Variants in SZT2 observed in about 807,000 individuals in gnomAD.
SZT2 encodes KICSTOR complex protein SZT2.
Under a neutral mutation model 404.2 loss-of-function variants are expected in SZT2, and 216 were observed. The ratio of observed to expected loss-of-function variants is 0.53; its 90% CI spans 0.48 to 0.60. SZT2 has a LOEUF of 0.60. Among genes scored for constraint, SZT2 ranks in the 20% least tolerant of loss-of-function variants. The probability of loss-of-function intolerance (pLI) is 0.00; values close to 1 mark genes in which losing one functional copy is unlikely to be tolerated. For synonymous variants in SZT2, 1,693 were observed against 1,749.9 expected, an observed-to-expected ratio of 0.97 and a Z score of 0.81; for missense variants, 3,857 against 4,459.2, an observed-to-expected ratio of 0.86 and a Z score of 3.85.
In SZT2 at chr1:43,433,112, T is replaced by C; in HGVS notation, c.5726T>C (p.Leu1909Pro). The change falls in exon 40 of 72, where the codon CTC (leucine) becomes CCC (proline). Residue 1909 changes from leucine (L) to proline (P), a missense_variant. Physicochemically the swap from Leu to Pro is moderately conservative, Grantham distance 98 (BLOSUM62 -3). This residue lies in a region of SZT2 where 1,725 missense variants were observed against 1,881.0 expected (regional missense o/e 0.92). Coordinates refer to ENST00000634258, the MANE Select transcript of SZT2 (RefSeq NM_001365999.1). Reference protein sequence around the residue: ...PAPPQPSLSGLPGPCLPDFWL... With the variant: ...PAPPQPSLSGPPGPCLPDFWL... ...CCTCCACAGCCTTCACTCTCAGGCC[T>C]CCCTGGGCCCTGCCTGCCTGACTTC... 1 of 1,614,104 alleles carries C rather than the reference T, an allele frequency of 6.2e-7. No homozygotes were observed. Among genetic ancestry groups the C allele is most frequent in the Non-Finnish European group, 8.5e-7 (1 of 1,180,036 alleles).
rs775594426 is a variant in SZT2, at chr1:43,404,527, A to G, written c.475A>G (p.Ile159Val). 3 of 1,613,552 alleles carry G rather than the reference A, an allele frequency of 1.9e-6. No homozygotes were observed. In the East Asian group the frequency reaches 6.7e-5, roughly 36 times the overall value. Residue 159 changes from isoleucine to valine, a missense_variant, in exon 4 of 72, where the codon ATC becomes GTC. Coordinates refer to ENST00000634258, the MANE Select transcript of SZT2 (RefSeq NM_001365999.1). ...TGTAACTATCCAGGCCTACTCCTCCATCATTGGACTGCAGTCCCACCAGGT... is the reference window on the plus strand; with the variant it reads ...TGTAACTATCCAGGCCTACTCCTCCGTCATTGGACTGCAGTCCCACCAGGT... ...IYVTIQAYSS[I>V]IGLQSHQVLV...
At position 43,439,565 on chromosome 1, in the gene SZT2, C is replaced by T; in HGVS notation, c.6878-40C>T. The T allele has an allele frequency of 1.2e-6, 2 of 1,611,758 alleles. No homozygotes were observed. The highest frequency in any genetic ancestry group is 1.7e-6 in the Non-Finnish European group (2 of 1,178,712). On this transcript the variant is annotated intron_variant, in intron 49 of 71. Transcript: ENST00000634258. This position sits in a 1 kb window ranked among gnomAD's most constrained non-coding sequence, Gnocchi z 4.2. ...GGAGGGTCGTGGGAGGGGTGGTCTG[C>T]AAGTCCCAGAGCTGAGCCTTCCTAT...
rs1655106672 is a variant in SZT2 at position 43,441,977 on chromosome 1, C to T, written c.7743-23C>T. The T allele has an allele frequency of 6.2e-7, 1 of 1,603,294 alleles. No homozygotes were observed. Among genetic ancestry groups the T allele is most frequent in the Admixed American group, 1.7e-5 (1 of 59,386 alleles). On this transcript the variant is annotated intron_variant, in intron 55 of 71. Coordinates refer to ENST00000634258, the MANE Select transcript of SZT2 (RefSeq NM_001365999.1). This position sits in a 1 kb window ranked among gnomAD's most constrained non-coding sequence, Gnocchi z 4.8. The stretch of plus-strand genomic sequence containing the variant: ...GGGAGTGGTGTCATGGATGGCCTTT[C>T]TGTCTGTCCTCCCTTTCAATAGGGG...
In SZT2 at chr1:43,423,129, C is replaced by T. The variant is rs780273983; in HGVS notation, c.2068C>T (p.Arg690Trp). The T allele has an allele frequency of 1.0e-5, 16 of 1,595,262 alleles. 1 individual carries two copies. In the Middle Eastern group the frequency reaches 4.9e-4, roughly 49 times the overall value. Residue 690 changes from arginine (R) to tryptophan (W), a missense_variant, in exon 15 of 72, where the codon CGG becomes TGG. Physicochemically the swap from Arg to Trp is moderately radical, Grantham distance 101. Coordinates refer to ENST00000634258, the MANE Select transcript of SZT2 (RefSeq NM_001365999.1). ...IVSGLREEIL[R>W]LRFPHRVQSK... is the part of the protein sequence containing the mutation. Reference sequence around the variant, plus strand: ...GTCAGGCTTGAGGGAAGAGATCCTGCGGCTGCGTTTCCCCCACCGGGTACA... The same window carrying T: ...GTCAGGCTTGAGGGAAGAGATCCTGTGGCTGCGTTTCCCCCACCGGGTACA...
chr1:43,424,535 C>A lies in SZT2; in HGVS notation c.2471+103C>A. The A allele has an allele frequency of 8.1e-7, 1 of 1,233,296 alleles. No homozygotes were observed. Among genetic ancestry groups the A allele is most frequent in the East Asian group, 2.4e-5 (1 of 42,218 alleles). 76.4% of individuals were successfully genotyped at this position (1,233,296 alleles called of 1,614,324 possible). On this transcript the variant is annotated intron_variant, in intron 16 of 71. Transcript: ENST00000634258. This position sits in a 1 kb window ranked among gnomAD's most constrained non-coding sequence, Gnocchi z 4.1. Reference sequence around the variant, plus strand: ...TAGCACACACTTCTCCTCTCTAATTCCCAGTCTGAAGTATAGAGCAGCATC... The same window carrying A: ...TAGCACACACTTCTCCTCTCTAATTACCAGTCTGAAGTATAGAGCAGCATC...
At chr1:43,398,764 A>G (rs1649301806) in intron 1 of SZT2, among the ~76,000 whole-genome samples, 1 of 152,160 alleles carries the variant, frequency 6.6e-6, no homozygotes, top group Non-Finnish European at 1.5e-5. Context: ...ATAACTATCT[A>G]CTTTTTGTAG....
At chr1:43,423,070 A>G (rs1652611663) in intron 14 of SZT2, 29 bp from the exon 15 acceptor site, 4 of 1,558,230 alleles carry the variant, frequency 2.6e-6, no homozygotes, top group South Asian at 1.2e-5. Flanking sequence ...AGATGGGAGT[A>G]AGAGGATGTG....
chr1:43,398,522 A>C (rs1041797328), intron 1 of SZT2, among the ~76,000 whole-genome samples: 1 of 152,228 alleles, frequency 6.6e-6, no homozygotes, highest in Non-Finnish European at 1.5e-5. Context: ...CTTTGGCAGT[A>C]TCCAGCATAG....
Position 43,421,311 on chromosome 1 carries a change from G to T in SZT2, c.1626+8G>T, listed in dbSNP as rs1385347309. On this transcript the variant is annotated splice_region_variant and intron_variant, in intron 11 of 71. Coordinates refer to ENST00000634258, the MANE Select transcript of SZT2 (RefSeq NM_001365999.1). Reference sequence around the variant, plus strand: ...CCAGGCTCCACCACCCCGGTGAGTAGCTCTGAAGTATAGTAGCCCCATTTC... The same window carrying T: ...CCAGGCTCCACCACCCCGGTGAGTATCTCTGAAGTATAGTAGCCCCATTTC... 5 of 1,598,012 alleles carry T rather than the reference G, an allele frequency of 3.1e-6. No homozygotes were observed. The highest frequency in any genetic ancestry group is 4.2e-6 in the Non-Finnish European group (5 of 1,179,602).
chr1:43,428,967 A>G (rs1653521392), intron 28 of SZT2: 1 of 175,140 alleles, frequency 5.7e-6, no homozygotes, highest in African/African-American at 2.4e-5. Context: ...TAGCATCTGC[A>G]GTGTGTTAGC....
At position 43,439,219 on chromosome 1, in the gene SZT2, C is replaced by T; in HGVS notation, c.6792+126C>T. 6.5e-7 allele frequency: 1 copy of T among 1,527,714 alleles called. No individual in the cohort carries two copies. The highest frequency in any genetic ancestry group is 9.0e-7 in the Non-Finnish European group (1 of 1,110,360). The allele number at this position is 1,527,714 out of a possible 1,614,324, so 94.6% of individuals were successfully genotyped here. On this transcript the variant is annotated intron_variant, in intron 48 of 71. Transcript: ENST00000634258. This position sits in a 1 kb window ranked among gnomAD's most constrained non-coding sequence, Gnocchi z 4.2. ...ATGGACCTGGGTACACCCATGCCCC[C>T]CCGGGGACCATTATTACCCGCCTGT...
At chr1:43,396,599 A>G (rs1196778530) in intron 1 of SZT2, among the ~76,000 whole-genome samples, 1 of 152,250 alleles carries the variant, frequency 6.6e-6, no homozygotes, top group Admixed American at 6.5e-5. Context: ...TGTTATTACT[A>G]ATCTGTGCAT....
chr1:43,439,432 T>TG lies in SZT2; in HGVS notation c.6872dup (p.Lys2292GlnfsTer13). The TG allele has an allele frequency of 6.2e-7, 1 of 1,612,016 alleles. No individual in the cohort carries two copies. The highest frequency in any genetic ancestry group is 8.5e-7 in the Non-Finnish European group (1 of 1,178,928). ...ATAACAAGCCTGGTGGACAGGGCACTGGGGGCAAAGGTACGGTGCAGGGCA... is the reference window on the plus strand; with the variant it reads ...ATAACAAGCCTGGTGGACAGGGCACTGGGGGGCAAAGGTACGGTGCAGGGCA... On this transcript the variant is annotated frameshift_variant, in exon 49 of 72. Coordinates refer to ENST00000634258, the MANE Select transcript of SZT2 (RefSeq NM_001365999.1). LOFTEE classifies it high-confidence loss of function. The surrounding 1 kb of genome is among the most constrained non-coding windows in gnomAD (Gnocchi z 4.2).
Position 43,439,686 on chromosome 1 carries a change from G to T in SZT2, c.6959G>T (p.Gly2320Val). ...GCGTTGTGGCCCCCCTCCTCTCCGG[G>T]GCCCCCAGACCCACTGCGAGAGGAG... ...SLALWPPSSP[G>V]PPDPLREEEF... is the part of the protein sequence containing the mutation. The change falls in exon 50 of 72, where the codon GGG becomes GTG. Residue 2320 changes from glycine to valine, a missense_variant. Physicochemically the swap from Gly to Val is moderately radical, Grantham distance 109 (BLOSUM62 -3). This residue lies in a region of SZT2 where 573 missense variants were observed against 592.4 expected (regional missense o/e 0.97). Transcript: ENST00000634258. The surrounding 1 kb of genome is among the most constrained non-coding windows in gnomAD (Gnocchi z 4.2). 1 of 1,613,084 alleles carries T rather than the reference G, an allele frequency of 6.2e-7. No individual in the cohort carries two copies. Among genetic ancestry groups the T allele is most frequent in the South Asian group, 1.1e-5 (1 of 90,914 alleles).
In SZT2 at chr1:43,427,686, A is replaced by C. The variant is rs750743832; in HGVS notation, c.3755A>C (p.Gln1252Pro). 1.1e-4 allele frequency: 172 copies of C among 1,614,022 alleles called. 1 individual carries two copies. The Admixed American group carries it at 2.8e-3, about 27-fold the overall frequency. ...TGTTCACTGGAAGCGCTGAGGGAAC[A>C]AATGGTTGGCATGCAGCCCCCTCAG... ...YSCSLEALRE[Q>P]MVGMQPPQAP... The change falls in exon 26 of 72, where the codon CAA (glutamine) becomes CCA (proline). Residue 1252 changes from glutamine (Q) to proline (P), a missense_variant. Gln to Pro is a moderately conservative substitution (Grantham distance 76). Transcript: ENST00000634258.
Position 43,437,021 on chromosome 1 carries a change from T to A in SZT2, c.6035-150T>A, listed in dbSNP as rs1019955666. Reference sequence around the variant, plus strand: ...AAGGGCATGCATCTGCCTGGCCCTGTCGTGTTACCCAGAATGATCATCATT... The same window carrying A: ...AAGGGCATGCATCTGCCTGGCCCTGACGTGTTACCCAGAATGATCATCATT... On this transcript the variant is annotated intron_variant, in intron 42 of 71. Coordinates refer to ENST00000634258, the MANE Select transcript of SZT2 (RefSeq NM_001365999.1). The surrounding 1 kb of genome is among the most constrained non-coding windows in gnomAD (Gnocchi z 5.3). 29 of 1,031,274 alleles carry A rather than the reference T, an allele frequency of 2.8e-5. No homozygotes were observed. Among genetic ancestry groups the A allele is most frequent in the Non-Finnish European group, 4.3e-6 (3 of 705,810 alleles). 63.9% of individuals were successfully genotyped at this position (1,031,274 alleles called of 1,614,324 possible).
rs774244334 is a variant in SZT2, at chr1:43,415,171, G to A, written c.588G>A (p.Lys196=). ...IYEQLCLFED[K]VATMLQQQYD... ...AGCAGCTCTGCCTCTTTGAGGATAA[G>A]GTGGCCACCATGCTGCAGCAGCAGT... Residue 196 remains lysine (K), a synonymous_variant, in exon 5 of 72, where the codon AAG becomes AAA. Transcript: ENST00000634258. 3.8e-5 allele frequency: 61 copies of A among 1,597,966 alleles called. No homozygotes were observed. The East Asian group carries it at 5.1e-4, about 13-fold the overall frequency.
At position 43,420,734 on chromosome 1, in the gene SZT2, C is replaced by G; in HGVS notation, c.1262-15C>G. ...CTATGCCTTCTCCTAACTGGCCCTT[C>G]CGCTTCTCCCTAAGGAGGGTCCCAA... On this transcript the variant is annotated splice_polypyrimidine_tract_variant and intron_variant, in intron 9 of 71. Transcript: ENST00000634258. The surrounding 1 kb of genome is among the most constrained non-coding windows in gnomAD (Gnocchi z 5.1). 1 of 1,597,380 alleles carries G rather than the reference C, an allele frequency of 6.3e-7. No individual in the cohort carries two copies. The highest frequency in any genetic ancestry group is 8.5e-7 in the Non-Finnish European group (1 of 1,178,958).
Position 43,442,751 on chromosome 1 carries a change from A to C in SZT2, c.8152-68A>C, listed in dbSNP as rs1655205995. 2.0e-6 allele frequency: 3 copies of C among 1,537,042 alleles called. No individual in the cohort carries two copies. The highest frequency in any genetic ancestry group is 4.5e-5 in the East Asian group (2 of 44,288). ...TGGGGAGGGAGAGTCTGAGAGAGGA[A>C]GCCCTGGGATGAGAGAGAGGGTCCG... is the stretch of plus-strand genomic sequence containing the variant. On this transcript the variant is annotated intron_variant, in intron 58 of 71. Transcript: ENST00000634258. The surrounding 1 kb of genome is among the most constrained non-coding windows in gnomAD (Gnocchi z 4.5).
Sources: gnomAD v4.1 joint callset for allele counts (sites outside exome capture counted in the v4.1 genomes callset) on GRCh38, gnomAD v4.1.1 for gene constraint, gnomAD v4.1.1 regional missense constraint, Gnocchi (gnomAD v3.1) non-coding constraint, MANE v1.5 for transcripts, NCBI Gene and HGNC (gene_info 2026-07-23, HGNC 2026-07-21) for gene names.